INSYN2B: variants seen among roughly 807,000 people sequenced by gnomAD.
INSYN2B encodes inhibitory synaptic factor family member 2B.
In INSYN2B, 16 loss-of-function variants were observed where a neutral mutation model predicts 41.2. The ratio of observed to expected loss-of-function variants is 0.39; its 90% CI spans 0.26 to 0.59. INSYN2B has a LOEUF of 0.59. Among genes scored for constraint, INSYN2B ranks in the 20% least tolerant of loss-of-function variants. The probability of loss-of-function intolerance (pLI) is 0.57; values close to 1 mark genes in which losing one functional copy is unlikely to be tolerated. For synonymous variants in INSYN2B, 245 were observed against 244.4 expected (o/e 1.00, Z -0.02); for missense variants, 608 against 646.4 (o/e 0.94, Z 0.64).
chr5:169,931,956 CTG>C (rs530996276), intron 1 of INSYN2B, among the ~76,000 whole-genome samples: 9 of 152,320 alleles, frequency 5.9e-5, no homozygotes, highest in African/African-American at 2.2e-4. Flanking sequence ...ACAAATACCT[CTG>C]GAGCCTGCTG....
intron 1 of INSYN2B, among the ~76,000 whole-genome samples, chr5:169,957,101 G>A (rs561071705): frequency 6.6e-6 from 1 of 152,218 alleles, no homozygotes; most frequent in East Asian, 1.9e-4. Flanking sequence ...TTTGTACTTT[G>A]CAGTAATAAG....
At chr5:169,910,470 C>T (rs946234428) in intron 1 of INSYN2B, among the ~76,000 whole-genome samples, 4 of 152,106 alleles carry the variant, frequency 2.6e-5, no homozygotes, top group East Asian at 1.9e-4. Context: ...TTGATTGTGC[C>T]GCCTGTGGTT....
chr5:169,963,316 C>T (rs1049276182), intron 1 of INSYN2B, among the ~76,000 whole-genome samples: 18 of 152,114 alleles, frequency 1.2e-4, no homozygotes, highest in African/African-American at 3.9e-4. Context: ...CCACAGCAGC[C>T]CTGACCTGAC....
chr5:169,955,325 C>T (rs566714309), intron 1 of INSYN2B, among the ~76,000 whole-genome samples: 12 of 152,080 alleles, frequency 7.9e-5, no homozygotes, highest in Non-Finnish European at 1.5e-4. Context: ...TAGGAAGGTT[C>T]TGGGCCCAAA....
At chr5:169,968,879 G>C (rs1777397408) in intron 1 of INSYN2B, among the ~76,000 whole-genome samples, 1 of 152,168 alleles carries the variant, frequency 6.6e-6, no homozygotes, top group South Asian at 2.1e-4. Context: ...GCACTTGTGT[G>C]AGTCTTTAAA....
chr5:169,912,274 G>A (rs1164797559), intron 1 of INSYN2B, among the ~76,000 whole-genome samples: 1 of 152,074 alleles, frequency 6.6e-6, no homozygotes, highest in Non-Finnish European at 1.5e-5. Context: ...TGCCCAGGCT[G>A]ATGTCAAACT....
intron 1 of INSYN2B, among the ~76,000 whole-genome samples, chr5:169,926,024 G>A (rs1028650204): frequency 1.3e-4 from 20 of 152,230 alleles, no homozygotes; most frequent in Non-Finnish European, 2.4e-4. Context: ...GCAGGATGTC[G>A]TCAGCTCTGG....
intron 3 of INSYN2B, chr5:169,875,199 T>C (rs1169294349): frequency 2.6e-5 from 12 of 456,442 alleles, no homozygotes; most frequent in Non-Finnish European, 4.0e-5. Context: ...AAAATCCTTC[T>C]GCTTTATTTG....
At chr5:169,885,353 T>C (rs1014283685) in intron 1 of INSYN2B, among the ~76,000 whole-genome samples, 1 of 152,202 alleles carries the variant, frequency 6.6e-6, no homozygotes, top group African/African-American at 2.4e-5. Flanking sequence ...GCAGAATTTG[T>C]TGAAAAAGTG....
rs1330476200 is a variant in INSYN2B, at chr5:169,864,364, G to A, written c.1517C>T (p.Pro506Leu). ...GGCTGGGGGTTCTGCTGGGGACTTTGGTGGGGGCGATGCCTCCTCAACTGG... is the reference window on the plus strand; with the variant it reads ...GGCTGGGGGTTCTGCTGGGGACTTTAGTGGGGGCGATGCCTCCTCAACTGG... ...AEPVEEASPP[P>L]KSPAEPPAPE... Residue 506 changes from proline to leucine, a missense_variant, in exon 4 of 4, where the codon CCA becomes CTA. Coordinates refer to ENST00000377365, the MANE Select transcript of INSYN2B (RefSeq NM_001129891.3). The A allele has an allele frequency of 7.1e-6, 11 of 1,551,398 alleles. No individual in the cohort carries two copies. Among genetic ancestry groups the A allele is most frequent in the Non-Finnish European group, 9.6e-6 (11 of 1,146,858 alleles).
chr5:169,921,849 A>T (rs575608115), intron 1 of INSYN2B, among the ~76,000 whole-genome samples: 1 of 152,326 alleles, frequency 6.6e-6, no homozygotes, highest in East Asian at 1.9e-4. Context: ...ATAGTGCACA[A>T]ATACAATATT....
intron 1 of INSYN2B, among the ~76,000 whole-genome samples, chr5:169,912,469 G>A (rs1774651713): frequency 6.6e-6 from 1 of 152,310 alleles, no homozygotes; most frequent in Admixed American, 6.5e-5. Context: ...ACGTGTATGT[G>A]TGTGTGCACA....
chr5:169,883,626 G>GC lies in INSYN2B; in HGVS notation c.272dup (p.Phe92LeufsTer28). The GC allele has an allele frequency of 6.4e-7, 1 of 1,551,534 alleles. No individual in the cohort carries two copies. Among genetic ancestry groups the GC allele is most frequent in the Non-Finnish European group, 8.7e-7 (1 of 1,146,888 alleles). ...AAGTTTGGATTGCAATGTTGCGAAA[G>GC]CCCCCTGCCTTCTGGGACCTGGGGA... On this transcript the variant is annotated frameshift_variant, in exon 2 of 4. Transcript: ENST00000377365. LOFTEE classifies it high-confidence loss of function.
At chr5:169,902,127 T>C (rs1321321319) in intron 1 of INSYN2B, among the ~76,000 whole-genome samples, 1 of 152,192 alleles carries the variant, frequency 6.6e-6, no homozygotes, top group Non-Finnish European at 1.5e-5. Context: ...TAATGCCATC[T>C]ATCAGAAATA....
At chr5:169,889,601 A>G (rs1773169434) in intron 1 of INSYN2B, among the ~76,000 whole-genome samples, 1 of 152,368 alleles carries the variant, frequency 6.6e-6, no homozygotes, top group Middle Eastern at 3.4e-3. Context: ...ACTGGGGTTC[A>G]GACTATCCTT....
At chr5:169,978,400 G>GA (rs1777806871) in intron 1 of INSYN2B, among the ~76,000 whole-genome samples, 1 of 139,772 alleles carries the variant, frequency 7.2e-6, no homozygotes, top group Non-Finnish European at 1.6e-5. Context: ...TGTGGGGGGG[G>GA]GGGGGTGTAG....
chr5:169,867,736 A>C (rs1771681306), intron 3 of INSYN2B, among the ~76,000 whole-genome samples: 2 of 152,088 alleles, frequency 1.3e-5, no homozygotes, highest in African/African-American at 2.4e-5. Flanking sequence ...ATAACATCAC[A>C]GTCTCTTCTT....
intron 3 of INSYN2B, among the ~76,000 whole-genome samples, 180 bp from the exon 4 acceptor site, chr5:169,864,639 C>A (rs1381577125): frequency 2.0e-5 from 3 of 152,176 alleles, no homozygotes; most frequent in Non-Finnish European, 4.4e-5. Flanking sequence ...ACCTCTAGTT[C>A]TTCAGTGATT....
At chr5:169,887,710 C>T (rs1163747313) in intron 1 of INSYN2B, among the ~76,000 whole-genome samples, 1 of 152,122 alleles carries the variant, frequency 6.6e-6, no homozygotes, top group Admixed American at 6.5e-5. Flanking sequence ...TCTTGGAGCT[C>T]TTGTCTAATT....
Sources: gnomAD v4.1 joint callset for allele counts (sites outside exome capture counted in the v4.1 genomes callset) on GRCh38, gnomAD v4.1.1 for gene constraint, MANE v1.5 for transcripts, NCBI Gene and HGNC (gene_info 2026-07-23, HGNC 2026-07-21) for gene names.